Variants in SSU72 observed in about 807,000 individuals in gnomAD.
The protein encoded by SSU72 is SSU72 homolog, RNA polymerase II CTD phosphatase, also known as RNA polymerase II subunit A C-terminal domain phosphatase SSU72.
SSU72 carries 12 observed loss-of-function variants against 22.7 expected under a neutral mutation model. The ratio of observed to expected loss-of-function variants is 0.53; its 90% confidence interval spans 0.34 to 0.86. The LOEUF (loss-of-function observed/expected upper bound fraction) is 0.86, where lower values mean the gene tolerates loss of function less well. Among genes scored for constraint, SSU72 ranks in the 40% least tolerant of loss-of-function variants. SSU72 has a pLI of 0.02. For missense variants in SSU72, 151 were observed against 249.8 expected (o/e 0.60, Z 2.67); for synonymous variants, 116 against 98.3 (o/e 1.18, Z -1.06).
In SSU72 at chr1:1,542,577, G is replaced by A. The variant is rs1317418506; in HGVS notation, c.484-410C>T. On this transcript the variant is annotated intron_variant, in intron 4 of 4. Transcript: ENST00000291386. This position sits in a 1 kb window ranked among gnomAD's most constrained non-coding sequence, Gnocchi z 4.4. ...GGAGCATCCTGGCCTCCATCCACCA[G>A]AGCCCCTGGCAGAGGGCCGCTGCCC... 6.6e-6 allele frequency among the ~76,000 whole-genome samples: 1 copy of A among 152,126 alleles called. No individual in the cohort carries two copies. Among genetic ancestry groups the A allele is most frequent in the Non-Finnish European group, 1.5e-5 (1 of 68,012 alleles).
intron 2 of SSU72, among the ~76,000 whole-genome samples, chr1:1,559,593 A>G (rs1035570048): frequency 2.0e-5 from 3 of 152,018 alleles, no homozygotes; most frequent in Non-Finnish European, 1.5e-5. Context: ...TACTACTATT[A>G]TTACTACCCT....
rs1642330601 is a variant in SSU72, at chr1:1,542,239, C to A, written c.484-72G>T. ...CTGCTCCCCCTAACACCTGGATCGC[C>A]AGGGAAACGCCAGGCCTGAGCCAGC... is the stretch of plus-strand genomic sequence containing the variant. On this transcript the variant is annotated intron_variant, in intron 4 of 4. Transcript: ENST00000291386. The surrounding 1 kb of genome is among the most constrained non-coding windows in gnomAD (Gnocchi z 4.4). 1 of 1,431,120 alleles carries A rather than the reference C, an allele frequency of 7.0e-7. No homozygotes were observed. Among genetic ancestry groups the A allele is most frequent in the Non-Finnish European group, 9.6e-7 (1 of 1,040,540 alleles). 88.7% of individuals were successfully genotyped at this position (1,431,120 alleles called of 1,614,324 possible).
intron 2 of SSU72, among the ~76,000 whole-genome samples, chr1:1,559,391 G>C (rs1642558156): frequency 6.6e-6 from 1 of 152,294 alleles, no homozygotes; most frequent in South Asian, 2.1e-4. Context: ...GCAACTCCAT[G>C]AATGTCCTGA....
intron 3 of SSU72, 32 bp from the exon 4 acceptor site, chr1:1,544,019 G>T: frequency 6.4e-7 from 1 of 1,563,770 alleles, no homozygotes; most frequent in African/African-American, 1.4e-5. Flanking sequence ...AGACGTCAGA[G>T]GCTCCAAAAC....
At chr1:1,560,708 T>C (rs1240667337) in intron 2 of SSU72, 3 of 152,210 alleles carry the variant, frequency 2.0e-5, no homozygotes, top group South Asian at 2.1e-4. Context: ...AAATGAAAGC[T>C]GAGAATAGTG....
chr1:1,568,567 C>G (rs889579496), intron 1 of SSU72, among the ~76,000 whole-genome samples: 14 of 151,872 alleles, frequency 9.2e-5, no homozygotes, highest in Non-Finnish European at 1.6e-4. Context: ...GATGGTGCCA[C>G]TGCACTCCCG....
At chr1:1,571,948 C>T (rs1453606211) in intron 1 of SSU72, among the ~76,000 whole-genome samples, 1 of 151,530 alleles carries the variant, frequency 6.6e-6, no homozygotes, top group Non-Finnish European at 1.5e-5. Context: ...GCGCCCGTCA[C>T]TATGCCGGGG....
intron 3 of SSU72, 37 bp from the exon 4 acceptor site, chr1:1,544,024 C>T (rs747753642): frequency 3.1e-5 from 47 of 1,532,500 alleles, no homozygotes; most frequent in Non-Finnish European, 4.0e-5. Flanking sequence ...TCAGAGGCTC[C>T]AAAACCAGGG....
chr1:1,550,980 C>G (rs922979876), intron 2 of SSU72, among the ~76,000 whole-genome samples: 2 of 152,082 alleles, frequency 1.3e-5, no homozygotes, highest in African/African-American at 2.4e-5. Context: ...CATCCACCCC[C>G]CAGAAAGCTC....
intron 2 of SSU72, among the ~76,000 whole-genome samples, chr1:1,557,039 CAG>C (rs772583869): frequency 1.3e-5 from 2 of 152,228 alleles, no homozygotes; most frequent in Non-Finnish European, 2.9e-5. Context: ...AACCCACGAT[CAG>C]AGTTTCTCTG....
In SSU72 at chr1:1,558,346, CG is replaced by C. The variant is rs1570391937; in HGVS notation, c.224+6426del. Reference sequence around the variant, plus strand: ...CAGCACCACTGCATTGCAGCCCACACGACAGAGAGACGCCCTGTCTCAAAAC... The same window carrying C: ...CAGCACCACTGCATTGCAGCCCACACACAGAGAGACGCCCTGTCTCAAAAC... On this transcript the variant is annotated intron_variant, in intron 2 of 4. Coordinates refer to ENST00000291386, the MANE Select transcript of SSU72 (RefSeq NM_014188.3). Among the ~76,000 whole-genome samples the C allele has an allele frequency of 3.9e-5, 6 of 152,204 alleles. No individual in the cohort carries two copies. The East Asian group carries it at 1.2e-3, about 29-fold the overall frequency.
In SSU72 at chr1:1,573,449, AAAAAAAAG is replaced by A. The variant is rs1342758749; in HGVS notation, c.80+1021_80+1028del. On this transcript the variant is annotated intron_variant, in intron 1 of 4. Coordinates refer to ENST00000291386, the MANE Select transcript of SSU72 (RefSeq NM_014188.3). ...TGTCTCAAAAAAAAAAAAAAAAAAA[AAAAAAAAG>A]AAAGAAAAGAATAAAGAGAAAGAAT... Among the ~76,000 whole-genome samples the A allele has an allele frequency of 1.1e-3, 167 of 145,436 alleles. 1 individual carries two copies. Among genetic ancestry groups the A allele is most frequent in the African/African-American group, 4.5e-3 (165 of 36,302 alleles).
chr1:1,554,911 G>A lies in SSU72; in HGVS notation c.224+9862C>T, dbSNP rs1319816443. On this transcript the variant is annotated intron_variant, in intron 2 of 4. Coordinates refer to ENST00000291386, the MANE Select transcript of SSU72 (RefSeq NM_014188.3). This position sits in a 1 kb window ranked among gnomAD's most constrained non-coding sequence, Gnocchi z 4.1. ...TCTCCTTTGCAAACCGTGGCTGGCA[G>A]CAGAGACTTCCTTGACGTCAAGTCT... is the stretch of plus-strand genomic sequence containing the variant. Among the ~76,000 whole-genome samples the A allele has an allele frequency of 6.6e-6, 1 of 152,160 alleles. No individual in the cohort carries two copies. Among genetic ancestry groups the A allele is most frequent in the Admixed American group, 6.5e-5 (1 of 15,278 alleles).
rs567857098 is a variant in SSU72, at chr1:1,574,140, G to A, written c.80+338C>T. On this transcript the variant is annotated intron_variant, in intron 1 of 4. Transcript: ENST00000291386. ...TGATTGTGTTGCGCGCCGTTTCCAGGGAAGGTGGCCAACGACGCACACGAA... is the reference window on the plus strand; with the variant it reads ...TGATTGTGTTGCGCGCCGTTTCCAGAGAAGGTGGCCAACGACGCACACGAA... 1.2e-3 allele frequency among the ~76,000 whole-genome samples: 187 copies of A among 152,226 alleles called. 1 individual carries two copies. The highest frequency in any genetic ancestry group is 0.01 in the Middle Eastern group (3 of 294).
chr1:1,550,969 A>C (rs964498596), intron 2 of SSU72, among the ~76,000 whole-genome samples: 3 of 151,948 alleles, frequency 2.0e-5, no homozygotes, highest in African/African-American at 7.3e-5. Flanking sequence ...TGCTGTGGAC[A>C]CATCCACCCC....
chr1:1,564,757 C>T lies in SSU72; in HGVS notation c.224+16G>A. The T allele has an allele frequency of 6.2e-7, 1 of 1,614,206 alleles. No homozygotes were observed. The highest frequency in any genetic ancestry group is 8.5e-7 in the Non-Finnish European group (1 of 1,180,036). On this transcript the variant is annotated intron_variant, in intron 2 of 4. Coordinates refer to ENST00000291386, the MANE Select transcript of SSU72 (RefSeq NM_014188.3). ...GACCACACGGGGGGTTTTTAAAGGG[C>T]AACCCGCTGGGATACAGTTCTTTGT...
chr1:1,573,429 CAA>C (rs56930035), intron 1 of SSU72, among the ~76,000 whole-genome samples: 162 of 107,394 alleles, frequency 1.5e-3, no homozygotes, highest in African/African-American at 3.6e-3. Context: ...GACTCTGTCT[CAA>C]AAAAAAAAAA....
intron 1 of SSU72, among the ~76,000 whole-genome samples, chr1:1,573,556 C>A (rs891715883): frequency 6.6e-6 from 1 of 151,876 alleles, no homozygotes; most frequent in Non-Finnish European, 1.5e-5. Context: ...TTCAGGTGAT[C>A]CGCGTGCGTC....
chr1:1,570,063 G>C (rs1302614435), intron 1 of SSU72, among the ~76,000 whole-genome samples: 1 of 152,080 alleles, frequency 6.6e-6, no homozygotes, highest in Admixed American at 6.5e-5. Context: ...CTATCACACA[G>C]AGTTTCTGAG....
Sources: allele counts gnomAD v4.1 joint callset (sites outside exome capture counted in the v4.1 genomes callset), GRCh38; gene constraint gnomAD v4.1.1; non-coding constraint Gnocchi (gnomAD v3.1); transcripts MANE v1.5; gene names NCBI Gene and HGNC (gene_info 2026-07-23, HGNC 2026-07-21).